The following FARS2 variants were observed in gnomAD, a reference collection of about 807,000 sequenced individuals.
FARS2 encodes phenylalanyl-tRNA synthetase 2, mitochondrial.
Under a neutral mutation model 46.4 loss-of-function variants are expected in FARS2, and 40 were observed. That is an observed-to-expected ratio of 0.86 (90% CI 0.67 to 1.12). The LOEUF (loss-of-function observed/expected upper bound fraction) is 1.12. Ranked by LOEUF, FARS2 falls within the 50% of genes most tolerant of loss-of-function variation. The pLI, the probability that FARS2 is intolerant of heterozygous loss-of-function variation, is 0.00. For synonymous variants in FARS2, 234 were observed against 214.9 expected (o/e 1.09, Z -0.78); for missense variants, 513 against 567.9 (o/e 0.90, Z 0.98).
chr6:5,609,896 A>C, intron 5 of FARS2: 3 of 1,013,994 alleles, frequency 3.0e-6, no homozygotes, highest in Non-Finnish European at 4.6e-6. Flanking sequence ...TTCACAGTTA[A>C]GTGGGCATCT....
rs1758826622 is a variant in FARS2 at position 5,368,581 on chromosome 6, C to T, written c.11C>T (p.Ser4Leu). MVG[S>L]ALRRGAHAYV... The stretch of plus-strand genomic sequence containing the variant: ...TGAGAAGTTTCTACAATGGTGGGCT[C>T]AGCTCTCAGGAGAGGTGCCCATGCA... Residue 4 changes from serine (S) to leucine (L), a missense_variant, in exon 2 of 7, where the codon TCA (serine) becomes TTA (leucine). Physicochemically the swap from Ser to Leu is moderately radical, Grantham distance 145 (BLOSUM62 -2). Transcript: ENST00000274680. 1 of 1,609,294 alleles carries T rather than the reference C, an allele frequency of 6.2e-7. No individual in the cohort carries two copies. The highest frequency in any genetic ancestry group is 2.2e-5 in the East Asian group (1 of 44,802).
intron 4 of FARS2, among the ~76,000 whole-genome samples, chr6:5,458,685 C>T (rs372748852): frequency 1.5e-4 from 23 of 152,236 alleles, no homozygotes; most frequent in Non-Finnish European, 2.9e-4. Flanking sequence ...GTTTCTTCTA[C>T]CTCATCAAAA....
chr6:5,538,683 G>A (rs1218533382), intron 4 of FARS2, among the ~76,000 whole-genome samples: 1 of 152,140 alleles, frequency 6.6e-6, no homozygotes, highest in Non-Finnish European at 1.5e-5. Context: ...GTCCTTCACA[G>A]GAGTCGCCAG....
intron 1 of FARS2, among the ~76,000 whole-genome samples, chr6:5,262,015 C>T (rs1186538409): frequency 1.3e-5 from 2 of 152,170 alleles, no homozygotes; most frequent in African/African-American, 2.4e-5. Flanking sequence ...TCAGCCAGTC[C>T]TAGTTACTGT....
At chr6:5,267,533 G>A (rs1056799142) in intron 1 of FARS2, among the ~76,000 whole-genome samples, 3 of 151,946 alleles carry the variant, frequency 2.0e-5, no homozygotes, top group Admixed American at 6.6e-5. Flanking sequence ...GGTGAATCAC[G>A]AGGTCAGGAG....
intron 2 of FARS2, among the ~76,000 whole-genome samples, chr6:5,381,634 T>C (rs1759798863): frequency 6.6e-6 from 1 of 152,248 alleles, no homozygotes; most frequent in African/African-American, 2.4e-5. Context: ...TCTGCCACTT[T>C]TCTGTGACAC....
chr6:5,401,181 T>C (rs1412221199), intron 2 of FARS2, among the ~76,000 whole-genome samples: 1 of 152,132 alleles, frequency 6.6e-6, no homozygotes, highest in Non-Finnish European at 1.5e-5. Flanking sequence ...ATATTCGATC[T>C]GAACTTTATC....
At chr6:5,525,001 A>G (rs1769371565) in intron 4 of FARS2, among the ~76,000 whole-genome samples, 1 of 152,116 alleles carries the variant, frequency 6.6e-6, no homozygotes, top group African/African-American at 2.4e-5. Context: ...AAGAGCTGGC[A>G]TTGCTTCTTG....
intron 2 of FARS2, among the ~76,000 whole-genome samples, chr6:5,402,110 CCTT>C (rs1761292226): frequency 6.6e-6 from 1 of 151,824 alleles, no homozygotes; most frequent in South Asian, 2.1e-4. Flanking sequence ...TTACCATCCT[CCTT>C]CTGGTTGTTT....
At chr6:5,273,903 A>G (rs758431973) in intron 1 of FARS2, among the ~76,000 whole-genome samples, 3 of 151,906 alleles carry the variant, frequency 2.0e-5, no homozygotes, top group Non-Finnish European at 2.9e-5. Flanking sequence ...TTTTTTCCCC[A>G]TTGTATGTTC....
Position 5,346,845 on chromosome 6 carries a change from A to C in FARS2, c.-21-21705A>C, listed in dbSNP as rs182280670. ...AGCTGGAGTTCAACATTTATTTATA[A>C]TTCTTTTTTTAGAGTAAAATTTCCA... On this transcript the variant is annotated intron_variant, in intron 1 of 6. Coordinates refer to ENST00000274680, the MANE Select transcript of FARS2 (RefSeq NM_006567.5). Among the ~76,000 whole-genome samples the C allele has an allele frequency of 4.6e-5, 7 of 151,816 alleles. No individual in the cohort carries two copies. In the East Asian group the frequency reaches 1.4e-3, roughly 29 times the overall value.
chr6:5,365,212 A>G (rs1052484569), intron 1 of FARS2, among the ~76,000 whole-genome samples: 7 of 151,736 alleles, frequency 4.6e-5, no homozygotes, highest in Non-Finnish European at 8.8e-5. Context: ...TTAAAAACAC[A>G]TTGATGTATA....
At chr6:5,654,137 A>G (rs569291242) in intron 6 of FARS2, among the ~76,000 whole-genome samples, 1 of 152,258 alleles carries the variant, frequency 6.6e-6, no homozygotes, top group African/African-American at 2.4e-5. Flanking sequence ...TTAGGGCCCT[A>G]CGTCCACAGA....
chr6:5,623,305 A>G (rs375611472), intron 6 of FARS2, among the ~76,000 whole-genome samples: 2 of 152,262 alleles, frequency 1.3e-5, no homozygotes, highest in East Asian at 1.9e-4. Flanking sequence ...AGCCAAATGC[A>G]TATAACTGGG....
chr6:5,739,331 T>TAAAAAAAA (rs58579538), intron 6 of FARS2, among the ~76,000 whole-genome samples: 1 of 145,946 alleles, frequency 6.9e-6, no homozygotes. Flanking sequence ...CCCCCGTCTC[T>TAAAAAAAA]AAAAAAAAAA....
At chr6:5,303,227 A>T (rs1768449084) in intron 1 of FARS2, among the ~76,000 whole-genome samples, 1 of 152,018 alleles carries the variant, frequency 6.6e-6, no homozygotes, top group African/African-American at 2.4e-5. Flanking sequence ...AAGTGAAGGT[A>T]TAGAGGAGAG....
chr6:5,261,843 T>A (rs1225897226), intron 1 of FARS2, among the ~76,000 whole-genome samples, 183 bp downstream of exon 1: 1 of 152,220 alleles, frequency 6.6e-6, no homozygotes, highest in Non-Finnish European at 1.5e-5. Context: ...CTTTGGAGAA[T>A]AATTAGAGAC....
chr6:5,431,383 T>C (rs1178317892), intron 4 of FARS2, among the ~76,000 whole-genome samples: 1 of 152,232 alleles, frequency 6.6e-6, no homozygotes, highest in Non-Finnish European at 1.5e-5. Context: ...GCTCTTTGTC[T>C]TTGGAGATCC....
In FARS2 at chr6:5,341,216, TATATATATATA is replaced by T. The variant is rs1561969884; in HGVS notation, c.-21-27333_-21-27323del. Reference sequence around the variant, plus strand: ...ATATATATATATATATATATATATATATATATATATATATATATATTTTTTTTTTTTTTTTT... The same window carrying T: ...ATATATATATATATATATATATATATTATATATATTTTTTTTTTTTTTTTT... On this transcript the variant is annotated intron_variant, in intron 1 of 6. Coordinates refer to ENST00000274680, the MANE Select transcript of FARS2 (RefSeq NM_006567.5). Among the ~76,000 whole-genome samples the T allele has an allele frequency of 2.7e-3, 19 of 6,942 alleles. 3 individuals are homozygous for T. Among genetic ancestry groups the T allele is most frequent in the South Asian group, 0.017 (4 of 236 alleles). 4.6% of individuals were successfully genotyped at this position (6,942 alleles called of 152,430 possible). A position where few individuals can be genotyped will look rare whatever the true frequency, so the allele number is the denominator to read the frequency against.
Sources: allele counts gnomAD v4.1 joint callset (sites outside exome capture counted in the v4.1 genomes callset), GRCh38; gene constraint gnomAD v4.1.1; transcripts MANE v1.5; gene names NCBI Gene and HGNC (gene_info 2026-07-23, HGNC 2026-07-21).